The following THADA variants were observed in gnomAD, a reference collection of about 807,000 sequenced individuals.
The protein encoded by THADA is THADA armadillo repeat containing.
In THADA, 213 loss-of-function variants were observed where a neutral mutation model predicts 219.8. The observed-to-expected ratio is 0.97, with a 90% CI of 0.87 to 1.09. The LOEUF (loss-of-function observed/expected upper bound fraction) is 1.09. THADA is among the 50% of genes least tolerant of loss of function. The probability of loss-of-function intolerance (pLI) is 0.00; values close to 1 mark genes in which losing one functional copy is unlikely to be tolerated. For missense variants in THADA, 2,956 were observed against 2,311.3 expected (o/e 1.28, Z -5.72); for synonymous variants, 1,018 against 828.9 (o/e 1.23, Z -3.92).
intron 35 of THADA, among the ~76,000 whole-genome samples, chr2:43,286,338 C>G (rs1307202394): frequency 6.6e-6 from 1 of 152,160 alleles, no homozygotes; most frequent in African/African-American, 2.4e-5. Flanking sequence ...TGGGAACCCA[C>G]TCAAAGGTTT....
At chr2:43,250,829 G>A (rs546949769) in intron 36 of THADA, among the ~76,000 whole-genome samples, 10 of 152,202 alleles carry the variant, frequency 6.6e-5, no homozygotes, top group Non-Finnish European at 7.3e-5. Context: ...TCCCTGAGGC[G>A]TTAAAGCAAA....
intron 15 of THADA, chr2:43,566,020 G>C (rs1019077023): frequency 1.3e-5 from 2 of 154,764 alleles, no homozygotes; most frequent in African/African-American, 2.4e-5. Flanking sequence ...CCCAGCAGGC[G>C]GAGGTTGCAG....
At chr2:43,406,537 T>C (rs1362820055) in intron 28 of THADA, among the ~76,000 whole-genome samples, 1 of 152,206 alleles carries the variant, frequency 6.6e-6, no homozygotes, top group Non-Finnish European at 1.5e-5. Context: ...GAGAAGAAGA[T>C]TCTCCTCAGG....
chr2:43,309,394 GAGC>G (rs1677235220), intron 31 of THADA, among the ~76,000 whole-genome samples: 1 of 152,142 alleles, frequency 6.6e-6, no homozygotes, highest in South Asian at 2.1e-4. Context: ...TGAATGTTCA[GAGC>G]AGCATTATTC....
intron 20 of THADA, among the ~76,000 whole-genome samples, chr2:43,541,587 C>T (rs982418826): frequency 1.3e-5 from 2 of 152,122 alleles, no homozygotes; most frequent in East Asian, 3.9e-4. Context: ...TGGCTCACTG[C>T]AGCCTTGACC....
intron 36 of THADA, among the ~76,000 whole-genome samples, chr2:43,256,590 A>AAAAT (rs1029447502): frequency 3.3e-5 from 5 of 149,498 alleles, no homozygotes; most frequent in South Asian, 2.1e-4. Flanking sequence ...TAAAAAAAGA[A>AAAAT]AAATAAATAA....
chr2:43,530,415 A>C (rs1693717730), intron 21 of THADA, among the ~76,000 whole-genome samples: 2 of 152,216 alleles, frequency 1.3e-5, no homozygotes, highest in South Asian at 4.1e-4. Context: ...CCTATAAAAT[A>C]AGTAACTCAT....
intron 36 of THADA, among the ~76,000 whole-genome samples, chr2:43,249,529 CA>C (rs1669600354): frequency 2.0e-5 from 3 of 152,248 alleles, no homozygotes. Context: ...AGTGCTCCCA[CA>C]AGGCCCAAAT....
chr2:43,430,527 TTATG>T (rs1245177766), intron 26 of THADA: 22 of 529,654 alleles, frequency 4.2e-5, no homozygotes, highest in African/African-American at 1.7e-4. Context: ...AAATTTAAGA[TTATG>T]TATGTTTACA....
intron 7 of THADA, among the ~76,000 whole-genome samples, chr2:43,584,180 G>T (rs1230796465): frequency 1.3e-5 from 2 of 151,962 alleles, no homozygotes; most frequent in African/African-American, 4.8e-5. Context: ...TGGGGCTACA[G>T]GAAAAGACTT....
chr2:43,288,750 A>C (rs1674347949), intron 34 of THADA, among the ~76,000 whole-genome samples: 1 of 152,296 alleles, frequency 6.6e-6, no homozygotes, highest in East Asian at 1.9e-4. Context: ...TCGGTGATCA[A>C]CTCAACCTTC....
chr2:43,290,691 G>A (rs1674591980), intron 34 of THADA, among the ~76,000 whole-genome samples: 1 of 152,060 alleles, frequency 6.6e-6, no homozygotes, highest in Non-Finnish European at 1.5e-5. Context: ...TATTGTAAGG[G>A]CTCAGGGTCC....
chr2:43,395,420 G>A (rs1016161720), intron 29 of THADA, among the ~76,000 whole-genome samples: 1 of 152,124 alleles, frequency 6.6e-6, no homozygotes, highest in Non-Finnish European at 1.5e-5. Flanking sequence ...AATAACCCCT[G>A]TCCCTCTCCT....
intron 23 of THADA, among the ~76,000 whole-genome samples, chr2:43,507,276 G>T (rs1383758394): frequency 6.6e-6 from 1 of 152,130 alleles, no homozygotes; most frequent in Non-Finnish European, 1.5e-5. Context: ...TGGCATTCTT[G>T]CCAAGGCTAG....
At chr2:43,233,854 G>A (rs1374911996) in intron 36 of THADA, among the ~76,000 whole-genome samples, 2 of 152,100 alleles carry the variant, frequency 1.3e-5, no homozygotes, top group African/African-American at 2.4e-5. Flanking sequence ...ATGGACCTCT[G>A]TAGGCCCATC....
chr2:43,236,592 C>G (rs530023180), intron 36 of THADA, among the ~76,000 whole-genome samples: 36 of 152,308 alleles, frequency 2.4e-4, no homozygotes, highest in African/African-American at 8.7e-4. Context: ...CTCAGTGGCT[C>G]ACACCTGTAA....
chr2:43,501,441 A>C (rs2105070547), intron 24 of THADA, among the ~76,000 whole-genome samples: 1 of 152,190 alleles, frequency 6.6e-6, no homozygotes, highest in South Asian at 2.1e-4. Flanking sequence ...CAATACTTAA[A>C]AAGATAATTT....
intron 28 of THADA, among the ~76,000 whole-genome samples, chr2:43,417,583 G>A (rs1350161789): frequency 2.6e-5 from 4 of 152,124 alleles, no homozygotes; most frequent in East Asian, 1.9e-4. Flanking sequence ...GCCCAAGGGG[G>A]GAAATATCTC....
intron 25 of THADA, among the ~76,000 whole-genome samples, chr2:43,493,360 T>G (rs925901922): frequency 1.2e-4 from 19 of 152,040 alleles, no homozygotes; most frequent in African/African-American, 4.6e-4. Context: ...CTGGGCGTGG[T>G]AGCATGCGCC....
Sources: allele counts gnomAD v4.1 joint callset (sites outside exome capture counted in the v4.1 genomes callset), GRCh38; gene constraint gnomAD v4.1.1; transcripts MANE v1.5; gene names NCBI Gene and HGNC (gene_info 2026-07-23, HGNC 2026-07-21).